Variants in GBP6 observed in about 807,000 individuals in gnomAD.
GBP6 encodes the protein guanylate-binding protein 6.
In GBP6, 54 loss-of-function variants were observed where a neutral mutation model predicts 61.5. That is an observed-to-expected ratio of 0.88 (90% confidence interval 0.71 to 1.10). The LOEUF (loss-of-function observed/expected upper bound fraction) is 1.10. GBP6 is among the 50% of genes least tolerant of loss of function. The pLI is 0.00. For synonymous variants in GBP6, 255 were observed against 273.7 expected (o/e 0.93, Z 0.67); for missense variants, 748 against 752.8 (o/e 0.99, Z 0.07).
At chr1:89,378,073 C>T (rs1652854942) in intron 3 of GBP6, 30 bp from the exon 4 acceptor site, 1 of 1,591,120 alleles carries the variant, frequency 6.3e-7, no homozygotes, top group African/African-American at 1.3e-5. Flanking sequence ...GACTACACTC[C>T]TAAGTCCTTT....
Position 89,386,363 on chromosome 1 carries a change from G to A in GBP6, c.*894G>A, listed in dbSNP as rs528507463. 2 of 152,228 alleles carry A rather than the reference G, an allele frequency of 1.3e-5. No individual in the cohort carries two copies. Among genetic ancestry groups the A allele is most frequent in the Admixed American group, 1.3e-4 (2 of 15,286 alleles). 9.4% of individuals were successfully genotyped at this position (152,228 alleles called of 1,614,324 possible). A position where few individuals can be genotyped will look rare whatever the true frequency, so the allele number is the denominator to read the frequency against. ...TCTTCACTTTATACTCTTGAATTTT[G>A]TAAAGAAATCTTATTTTACCGATTC... On this transcript the variant is annotated 3_prime_UTR_variant, in exon 11 of 11. Transcript: ENST00000370456.
chr1:89,368,762 C>T (rs1453154160), intron 2 of GBP6, 21 bp downstream of exon 2: 2 of 1,598,960 alleles, frequency 1.3e-6, no homozygotes, highest in Non-Finnish European at 1.7e-6. Flanking sequence ...TCCTGGGACA[C>T]AGGCCAGTTG....
At chr1:89,379,831 A>G (rs773433045) in intron 5 of GBP6, among the ~76,000 whole-genome samples, 1 of 152,252 alleles carries the variant, frequency 6.6e-6, no homozygotes, top group African/African-American at 2.4e-5. Flanking sequence ...TAAAGAAGTG[A>G]TGATTATCTT....
intron 1 of GBP6, among the ~76,000 whole-genome samples, chr1:89,365,953 T>C (rs1464427375): frequency 6.6e-6 from 1 of 152,174 alleles, no homozygotes; most frequent in African/African-American, 2.4e-5. Flanking sequence ...TTTCTAATTA[T>C]AAGGAAATAC....
At chr1:89,382,003 C>T (rs148538300) in intron 7 of GBP6, 29 bp downstream of exon 7, 1 of 1,565,434 alleles carries the variant, frequency 6.4e-7, no homozygotes, top group African/African-American at 1.4e-5. Flanking sequence ...TACTGTTCAT[C>T]ATCCTTCCCC....
At chr1:89,378,725 G>A in intron 5 of GBP6, 112 bp downstream of exon 5, 2 of 824,250 alleles carry the variant, frequency 2.4e-6, no homozygotes, top group Non-Finnish European at 3.8e-6. Context: ...GAGGTCTGTA[G>A]AAACGGGGAC....
Position 89,387,036 on chromosome 1 carries a change from G to A in GBP6, c.*1567G>A, listed in dbSNP as rs908926765. ...AAGTGAAGTAAATGCTGTCTATCAGGATGTTGAGAGGTAGCCCTGATAAAG... is the reference window on the plus strand; with the variant it reads ...AAGTGAAGTAAATGCTGTCTATCAGAATGTTGAGAGGTAGCCCTGATAAAG... On this transcript the variant is annotated 3_prime_UTR_variant, in exon 11 of 11. Transcript: ENST00000370456. Among the ~76,000 whole-genome samples the A allele has an allele frequency of 8.5e-5, 13 of 152,174 alleles. No homozygotes were observed. The highest frequency in any genetic ancestry group is 7.3e-5 in the Non-Finnish European group (5 of 68,038).
intron 1 of GBP6, among the ~76,000 whole-genome samples, chr1:89,364,525 G>A (rs1015827524): frequency 5.9e-5 from 9 of 152,132 alleles, no homozygotes; most frequent in Non-Finnish European, 1.3e-4. Flanking sequence ...GAAAGCTTCA[G>A]AATAAGAGCT....
chr1:89,368,419 G>T, intron 1 of GBP6, 110 bp from the exon 2 acceptor site: 1 of 709,724 alleles, frequency 1.4e-6, no homozygotes, highest in Non-Finnish European at 2.4e-6. Context: ...GCTAATGCTA[G>T]ATTACATGTT....
rs997889464 is a variant in GBP6, at chr1:89,387,557, T to C, written c.*2088T>C. ...TGCATGGGTGATTATTTTCAATTGA[T>C]AAAATATCATGAACTTTCCAGAGAT... On this transcript the variant is annotated 3_prime_UTR_variant, in exon 11 of 11. Transcript: ENST00000370456. 1.3e-5 allele frequency among the ~76,000 whole-genome samples: 2 copies of C among 152,340 alleles called. No individual in the cohort carries two copies. Among genetic ancestry groups the C allele is most frequent in the South Asian group, 2.1e-4 (1 of 4,832 alleles).
chr1:89,371,152 T>G, intron 3 of GBP6, among the ~76,000 whole-genome samples: 1 of 152,230 alleles, frequency 6.6e-6, no homozygotes, highest in Admixed American at 6.5e-5. Flanking sequence ...TGTTCATCTA[T>G]GTTGTTGCAA....
chr1:89,385,140 A>C (rs759343497), intron 10 of GBP6, 90 bp from the exon 11 acceptor site: 10 of 1,182,666 alleles, frequency 8.5e-6, no homozygotes, highest in Non-Finnish European at 1.2e-5. Flanking sequence ...GGAGTAAAAT[A>C]AAGTTTCACA....
Position 89,384,271 on chromosome 1 carries a change from G to A in GBP6, c.1647G>A (p.Leu549=), listed in dbSNP as rs1653073822. The change falls in exon 10 of 11, where the codon TTG becomes TTA. Residue 549 remains leucine (L), a synonymous_variant. Transcript: ENST00000370456. ...TACTGAGAGAGCAGATTATGATGTT[G>A]GAGCACACGCAGAAGGTAAGTCTGC... ...EHLLREQIMM[L]EHTQKVQNDW... The A allele has an allele frequency of 6.2e-7, 1 of 1,612,052 alleles. No homozygotes were observed. Among genetic ancestry groups the A allele is most frequent in the Non-Finnish European group, 8.5e-7 (1 of 1,179,176 alleles).
chr1:89,380,847 C>T (rs115477343), intron 6 of GBP6, among the ~76,000 whole-genome samples: 2,053 of 152,166 alleles, frequency 0.013, 51 homozygotes, highest in African/African-American at 0.047. Flanking sequence ...GTGGCTTCCA[C>T]ATATCTGAAA....
intron 6 of GBP6, among the ~76,000 whole-genome samples, chr1:89,381,261 G>C (rs56910435): frequency 0.084 from 11,642 of 138,914 alleles, 518 homozygotes; most frequent in African/African-American, 0.12. Flanking sequence ...CTCCAGCCTG[G>C]GCCTCAAAAA....
rs138561765 is a variant in GBP6, at chr1:89,374,197, C to T, written c.319-3906C>T. On this transcript the variant is annotated intron_variant, in intron 3 of 10. Transcript: ENST00000370456. Reference sequence around the variant, plus strand: ...CTTTCCTGTGTAAATTGTCCAGTCTCGTGTATGTCTTTATTGGGCAGCATG... The same window carrying T: ...CTTTCCTGTGTAAATTGTCCAGTCTTGTGTATGTCTTTATTGGGCAGCATG... Among the ~76,000 whole-genome samples the T allele has an allele frequency of 3.0e-3, 459 of 152,188 alleles. 5 individuals carry two copies. Among genetic ancestry groups the T allele is most frequent in the African/African-American group, 0.01 (431 of 41,508 alleles).
intron 6 of GBP6, among the ~76,000 whole-genome samples, chr1:89,381,266 CAAAAAAAAA>C (rs769164915): frequency 2.0e-5 from 1 of 51,218 alleles, no homozygotes; most frequent in African/African-American, 7.0e-5. Flanking sequence ...GCCTGGGCCT[CAAAAAAAAA>C]AAAAAAAAAA....
chr1:89,375,979 A>G (rs1408585238), intron 3 of GBP6, among the ~76,000 whole-genome samples: 2 of 152,040 alleles, frequency 1.3e-5, no homozygotes, highest in African/African-American at 2.4e-5. Flanking sequence ...GCCCCTCGTA[A>G]CCATCATTCT....
chr1:89,385,517 A>T lies in GBP6; in HGVS notation c.*48A>T. ...ATGCTTTGGACTATTTTTGATCTGT[A>T]TGTTTTTCATTTTCATTCAGCAAGT... On this transcript the variant is annotated 3_prime_UTR_variant, in exon 11 of 11. Coordinates refer to ENST00000370456, the MANE Select transcript of GBP6 (RefSeq NM_198460.3). The T allele has an allele frequency of 6.8e-7, 1 of 1,480,110 alleles. No individual in the cohort carries two copies. Among genetic ancestry groups the T allele is most frequent in the Non-Finnish European group, 9.1e-7 (1 of 1,101,272 alleles). The allele number at this position is 1,480,110 out of a possible 1,614,324, so 91.7% of individuals were successfully genotyped here.
Sources: gnomAD v4.1 joint callset for allele counts (sites outside exome capture counted in the v4.1 genomes callset) on GRCh38, gnomAD v4.1.1 for gene constraint, MANE v1.5 for transcripts, NCBI Gene and HGNC (gene_info 2026-07-23, HGNC 2026-07-21) for gene names.